GLIS3: variants seen among roughly 807,000 people sequenced by gnomAD.
The protein encoded by GLIS3 is GLIS family zinc finger 3.
Under a neutral mutation model 78.6 loss-of-function variants are expected in GLIS3, and 53 were observed. The ratio of observed to expected loss-of-function variants is 0.67; its 90% confidence interval spans 0.54 to 0.85. The LOEUF (loss-of-function observed/expected upper bound fraction) is 0.85. GLIS3 is among the 40% of genes least tolerant of loss of function. The probability of loss-of-function intolerance (pLI) is 0.00; values close to 1 mark genes in which losing one functional copy is unlikely to be tolerated. For missense variants in GLIS3, 1,703 were observed against 1,231.1 expected (o/e 1.38, Z -5.74); for synonymous variants, 684 against 509.9 (o/e 1.34, Z -4.60).
intron 2 of GLIS3, among the ~76,000 whole-genome samples, chr9:4,131,681 G>A (rs533198746): frequency 6.6e-6 from 1 of 152,264 alleles, no homozygotes; most frequent in East Asian, 1.9e-4. Flanking sequence ...TGTTAAGCCT[G>A]CAGAACTGTG....
chr9:4,320,152 C>G (rs926431235), intron 2 of GLIS3, among the ~76,000 whole-genome samples: 1 of 152,090 alleles, frequency 6.6e-6, no homozygotes, highest in African/African-American at 2.4e-5. Flanking sequence ...TCACAGCCAC[C>G]CCACTTTTGA....
the GLIS3 span, among the ~76,000 whole-genome samples, chr9:4,465,865 A>G: frequency 6.6e-6 from 1 of 152,220 alleles, no homozygotes; most frequent in Non-Finnish European, 1.5e-5. Context: ...CAGAAAACAT[A>G]ATTTAAAAAT....
intron 4 of GLIS3, among the ~76,000 whole-genome samples, chr9:3,996,644 C>A (rs534227081): frequency 6.6e-6 from 1 of 151,914 alleles, no homozygotes; most frequent in African/African-American, 2.4e-5. Flanking sequence ...AACTGCAAAA[C>A]TAACCTGAAA....
intron 2 of GLIS3, among the ~76,000 whole-genome samples, chr9:4,318,274 G>A (rs1424057054): frequency 6.6e-6 from 1 of 152,142 alleles, no homozygotes; most frequent in East Asian, 1.9e-4. Context: ...CAAATTTAAA[G>A]AAATGTATAT....
intron 4 of GLIS3, among the ~76,000 whole-genome samples, chr9:4,062,100 A>G (rs1826702671): frequency 6.6e-6 from 1 of 152,218 alleles, no homozygotes; most frequent in African/African-American, 2.4e-5. Context: ...TCCTTGCCAA[A>G]TCACACTAAG....
At chr9:4,236,390 G>A (rs1822756099) in intron 2 of GLIS3, among the ~76,000 whole-genome samples, 1 of 152,042 alleles carries the variant, frequency 6.6e-6, no homozygotes, top group East Asian at 1.9e-4. Flanking sequence ...CAAACAGATT[G>A]CAATACTTAA....
the GLIS3 span, among the ~76,000 whole-genome samples, chr9:4,363,031 T>C: frequency 6.6e-6 from 1 of 152,102 alleles, no homozygotes; most frequent in African/African-American, 2.4e-5. Context: ...CACTGGTCCA[T>C]TATTTACTCT....
intron 4 of GLIS3, among the ~76,000 whole-genome samples, chr9:3,966,979 T>G (rs1025755693): frequency 7.9e-6 from 1 of 127,354 alleles, no homozygotes; most frequent in African/African-American, 3.0e-5. Flanking sequence ...TAATCCTTAT[T>G]CCTACCCTCA....
At chr9:4,430,608 T>A in the GLIS3 span, among the ~76,000 whole-genome samples, 1 of 152,376 alleles carries the variant, frequency 6.6e-6, no homozygotes, top group Admixed American at 6.5e-5. Context: ...AAGATCACTA[T>A]GTTCTGATAA....
the GLIS3 span, among the ~76,000 whole-genome samples, chr9:4,461,707 T>C: frequency 6.6e-6 from 1 of 152,178 alleles, no homozygotes; most frequent in Admixed American, 6.5e-5. Flanking sequence ...TTAAGAACTA[T>C]CACACGGCTA....
At chr9:4,324,311 A>G (rs551894058) in intron 2 of GLIS3, among the ~76,000 whole-genome samples, 7 of 152,304 alleles carry the variant, frequency 4.6e-5, no homozygotes, top group Non-Finnish European at 1.0e-4. Flanking sequence ...TAGGCAGAGG[A>G]TGTGGAGTTG....
At chr9:3,885,252 G>A (rs1278999493) in intron 7 of GLIS3, among the ~76,000 whole-genome samples, 1 of 152,212 alleles carries the variant, frequency 6.6e-6, no homozygotes, top group African/African-American at 2.4e-5. Context: ...TGAGCAATTA[G>A]TTATATGCAT....
chr9:4,197,466 C>A (rs1360807838), intron 2 of GLIS3, among the ~76,000 whole-genome samples: 1 of 152,166 alleles, frequency 6.6e-6, no homozygotes, highest in Non-Finnish European at 1.5e-5. Flanking sequence ...CCCCTGCCCC[C>A]ACCCCCAACT....
intron 6 of GLIS3, among the ~76,000 whole-genome samples, chr9:3,916,549 GTCCA>G (rs1032100107): frequency 2.6e-5 from 4 of 152,214 alleles, no homozygotes; most frequent in Non-Finnish European, 5.9e-5. Context: ...AAACACGTCT[GTCCA>G]TTACTAATCC....
At chr9:3,931,529 A>C (rs1825615419) in intron 6 of GLIS3, among the ~76,000 whole-genome samples, 1 of 152,188 alleles carries the variant, frequency 6.6e-6, no homozygotes, top group African/African-American at 2.4e-5. Context: ...CAAAAAGCCA[A>C]GATCAGCTCA....
intron 4 of GLIS3, among the ~76,000 whole-genome samples, chr9:3,943,388 T>C (rs1816076840): frequency 6.6e-6 from 1 of 152,246 alleles, no homozygotes; most frequent in Non-Finnish European, 1.5e-5. Flanking sequence ...TCTCTATATA[T>C]TCTTGCTTTG....
At chr9:4,060,073 C>T (rs948465434) in intron 4 of GLIS3, among the ~76,000 whole-genome samples, 14 of 152,012 alleles carry the variant, frequency 9.2e-5, no homozygotes, top group Admixed American at 2.0e-4. Flanking sequence ...ACCTGGTCAA[C>T]TCATGTGAGC....
At chr9:4,092,395 G>T (rs908256485) in intron 4 of GLIS3, among the ~76,000 whole-genome samples, 1 of 151,814 alleles carries the variant, frequency 6.6e-6, no homozygotes, top group Non-Finnish European at 1.5e-5. Flanking sequence ...CTCGTGATCC[G>T]CCTGCCTCAG....
chr9:4,448,385 G>A, the GLIS3 span, among the ~76,000 whole-genome samples: 1 of 152,182 alleles, frequency 6.6e-6, no homozygotes, highest in Non-Finnish European at 1.5e-5. Flanking sequence ...TGAGCACAGA[G>A]GCTGAAAGTG....
Sources: allele counts gnomAD v4.1 joint callset (sites outside exome capture counted in the v4.1 genomes callset), GRCh38; gene constraint gnomAD v4.1.1; transcripts MANE v1.5; gene names NCBI Gene and HGNC (gene_info 2026-07-23, HGNC 2026-07-21).